The following VPS13D variants were observed in gnomAD, a reference collection of about 807,000 sequenced individuals.
The protein encoded by VPS13D is vacuolar protein sorting 13 homolog D, also known as intermembrane lipid transfer protein VPS13D.
A neutral mutation model predicts 461.9 loss-of-function variants in VPS13D; 187 were observed. The ratio of observed to expected loss-of-function variants is 0.40; its 90% confidence interval spans 0.36 to 0.46. The LOEUF (loss-of-function observed/expected upper bound fraction) is 0.46, where lower values mean the gene tolerates loss of function less well. Among genes scored for constraint, VPS13D ranks in the 20% least tolerant of loss-of-function variants. VPS13D has a pLI of 0.60. For synonymous variants in VPS13D, 1,951 were observed against 1,986.3 expected (o/e 0.98, Z 0.47); for missense variants, 4,711 against 5,364.9 (o/e 0.88, Z 3.81).
intron 69 of VPS13D, 143 bp from the exon 70 acceptor site, chr1:12,508,750 G>T (rs561067127): frequency 6.7e-5 from 58 of 862,366 alleles, no homozygotes; most frequent in Non-Finnish European, 9.3e-5. Context: ...AGTGAAGCAG[G>T]AGCAGCCCTG....
At chr1:12,241,436 T>C (rs551496737) in intron 2 of VPS13D, among the ~76,000 whole-genome samples, 1 of 152,362 alleles carries the variant, frequency 6.6e-6, no homozygotes, top group South Asian at 2.1e-4. Flanking sequence ...GCTCAAAAAT[T>C]GCCTTGTGTC....
At chr1:12,436,385 C>A (rs1645060864) in intron 65 of VPS13D, among the ~76,000 whole-genome samples, 1 of 152,152 alleles carries the variant, frequency 6.6e-6, no homozygotes, top group Non-Finnish European at 1.5e-5. Context: ...AGGGAGCAGT[C>A]CCAGCAGGAG....
At chr1:12,326,236 T>C (rs1643181309) in intron 35 of VPS13D, among the ~76,000 whole-genome samples, 1 of 151,482 alleles carries the variant, frequency 6.6e-6, no homozygotes, top group Non-Finnish European at 1.5e-5. Flanking sequence ...CCTTAATGTT[T>C]ACTTTTCCTA....
intron 50 of VPS13D, among the ~76,000 whole-genome samples, chr1:12,361,251 G>T: frequency 6.6e-6 from 1 of 151,878 alleles, no homozygotes; most frequent in African/African-American, 2.4e-5. Flanking sequence ...TTATTTCTAT[G>T]ATAAATATTT....
At chr1:12,313,340 C>T (rs1308108328) in intron 29 of VPS13D, among the ~76,000 whole-genome samples, 2 of 121,272 alleles carry the variant, frequency 1.6e-5, no homozygotes, top group South Asian at 3.0e-4. Context: ...CAGAATCTCT[C>T]TCTGTTGCCC....
In VPS13D at chr1:12,346,577, TGACTCTAACTTTTGAAATCTTTTTCA is replaced by T. The variant is rs760580706; in HGVS notation, c.9022-25_9022del. ...GTTGCTAATTATCTTAAGTCTGTGC[TGACTCTAACTTTTGAAATCTTTTTCA>T]GATTGGCAGCCCAAGCAGCAGAACA... On this transcript the variant is annotated splice_acceptor_variant and splice_polypyrimidine_tract_variant and intron_variant, in intron 43 of 69. Transcript: ENST00000620676. LOFTEE classifies it high-confidence loss of function. 3 of 1,611,476 alleles carry T rather than the reference TGACTCTAACTTTTGAAATCTTTTTCA, an allele frequency of 1.9e-6. No homozygotes were observed. The highest frequency in any genetic ancestry group is 2.5e-6 in the Non-Finnish European group (3 of 1,179,176).
intron 3 of VPS13D, among the ~76,000 whole-genome samples, chr1:12,242,958 C>CTTTTTTTTTTTTTTTTT (rs979589423): frequency 7.0e-6 from 1 of 143,758 alleles, no homozygotes. Context: ...CTTTTCTTTT[C>CTTTTTTTTTTTTTTTTT]TTTTTTTTTT....
intron 12 of VPS13D, 90 bp from the exon 13 acceptor site, chr1:12,261,811 A>G: frequency 9.1e-7 from 1 of 1,094,086 alleles, no homozygotes; most frequent in Non-Finnish European, 1.3e-6. Flanking sequence ...ATAGTTAAAT[A>G]ACATCATCAT....
chr1:12,300,774 C>T (rs935122602), intron 25 of VPS13D, among the ~76,000 whole-genome samples: 2 of 152,102 alleles, frequency 1.3e-5, no homozygotes, highest in African/African-American at 4.8e-5. Context: ...TTTAGATGGT[C>T]CGATTAGTCC....
intron 25 of VPS13D, among the ~76,000 whole-genome samples, chr1:12,302,678 C>G (rs1379324768): frequency 6.6e-6 from 1 of 152,090 alleles, no homozygotes; most frequent in Non-Finnish European, 1.5e-5. Context: ...AGCAGTCAAT[C>G]CACATTCACA....
intron 65 of VPS13D, among the ~76,000 whole-genome samples, chr1:12,427,242 TTTA>T (rs55913483): frequency 0.039 from 5,051 of 128,718 alleles, 101 homozygotes; most frequent in Middle Eastern, 0.078. Flanking sequence ...TTGTCATTAT[TTTA>T]TTATTATTAT....
At chr1:12,238,166 G>T (rs1051620615) in intron 2 of VPS13D, among the ~76,000 whole-genome samples, 43 of 144,306 alleles carry the variant, frequency 3.0e-4, no homozygotes, top group Non-Finnish European at 3.5e-4. Flanking sequence ...AAAAAAAAAA[G>T]AAATATATGT....
At chr1:12,424,222 A>G (rs1471302451) in intron 65 of VPS13D, among the ~76,000 whole-genome samples, 3 of 152,240 alleles carry the variant, frequency 2.0e-5, no homozygotes, top group East Asian at 1.9e-4. Context: ...TTGATCCTAA[A>G]TAAGTCACCC....
intron 11 of VPS13D, 61 bp from the exon 12 acceptor site, chr1:12,260,887 G>A: frequency 1.2e-6 from 2 of 1,611,256 alleles, no homozygotes; most frequent in Non-Finnish European, 1.7e-6. Flanking sequence ...GGAAACAGCA[G>A]CATATCACAG....
At chr1:12,466,889 A>C (rs373901399) in intron 67 of VPS13D, among the ~76,000 whole-genome samples, 293 of 152,372 alleles carry the variant, frequency 1.9e-3, no homozygotes, top group Non-Finnish European at 3.0e-3. Context: ...GGGACTGTCA[A>C]ATATCTCCTC....
intron 14 of VPS13D, among the ~76,000 whole-genome samples, 155 bp downstream of exon 14, chr1:12,267,166 G>A (rs535271498): frequency 6.6e-6 from 1 of 152,348 alleles, no homozygotes; most frequent in African/African-American, 2.4e-5. Context: ...AAGAGCAAAT[G>A]TTGGTGACAT....
chr1:12,487,792 G>A (rs1430901482), intron 67 of VPS13D, among the ~76,000 whole-genome samples: 1 of 152,146 alleles, frequency 6.6e-6, no homozygotes, highest in Non-Finnish European at 1.5e-5. Flanking sequence ...CAGCTTCATT[G>A]TCAGCGGTTG....
At chr1:12,274,738 C>T (rs2101350313) in intron 18 of VPS13D, among the ~76,000 whole-genome samples, 1 of 152,340 alleles carries the variant, frequency 6.6e-6, no homozygotes, top group East Asian at 1.9e-4. Context: ...TACCTCGGCA[C>T]TAGGAAGACT....
chr1:12,487,840 A>C (rs1282497259), intron 67 of VPS13D, among the ~76,000 whole-genome samples: 1 of 152,164 alleles, frequency 6.6e-6, no homozygotes, highest in Non-Finnish European at 1.5e-5. Context: ...CATTTGCAGA[A>C]AGTGTTTTAC....
Sources: allele counts gnomAD v4.1 joint callset (sites outside exome capture counted in the v4.1 genomes callset), GRCh38; gene constraint gnomAD v4.1.1; transcripts MANE v1.5; gene names NCBI Gene and HGNC (gene_info 2026-07-23, HGNC 2026-07-21).